ASIC2: variants seen among roughly 807,000 people sequenced by gnomAD.
The protein encoded by ASIC2 is acid sensing ion channel subunit 2.
Under a neutral mutation model 57.3 loss-of-function variants are expected in ASIC2, and 25 were observed. The ratio of observed to expected loss-of-function variants is 0.44; its 90% CI spans 0.32 to 0.61. The LOEUF is 0.61. ASIC2 is among the 20% of genes least tolerant of loss of function. The pLI is 0.06. For synonymous variants in ASIC2, 319 were observed against 307.5 expected (o/e 1.04, Z -0.39); for missense variants, 641 against 738.1 (o/e 0.87, Z 1.52).
intron 1 of ASIC2, among the ~76,000 whole-genome samples, chr17:34,102,238 T>C (rs1910891686): frequency 6.6e-6 from 1 of 151,866 alleles, no homozygotes; most frequent in Admixed American, 6.6e-5. Context: ...GCTGAGGCAC[T>C]AGAATCGCCT....
chr17:33,023,715 G>A (rs1339818634), intron 6 of ASIC2, 146 bp downstream of exon 6: 3 of 1,087,314 alleles, frequency 2.8e-6, no homozygotes, highest in Admixed American at 4.7e-5. Flanking sequence ...TGAACATGGA[G>A]CGCAGAGCGT....
At chr17:33,605,332 T>C (rs764762473) in intron 1 of ASIC2, among the ~76,000 whole-genome samples, 6 of 152,238 alleles carry the variant, frequency 3.9e-5, no homozygotes, top group African/African-American at 7.2e-5. Flanking sequence ...GTAGCTCCTG[T>C]GCAGGGTCTG....
intron 1 of ASIC2, among the ~76,000 whole-genome samples, chr17:33,777,554 G>A (rs538152125): frequency 3.3e-5 from 5 of 152,042 alleles, no homozygotes; most frequent in African/African-American, 1.2e-4. Context: ...CAACTGGGCT[G>A]CAGACTGAGC....
At chr17:34,045,106 C>T (rs1185205767) in intron 1 of ASIC2, among the ~76,000 whole-genome samples, 6 of 152,116 alleles carry the variant, frequency 3.9e-5, no homozygotes, top group Non-Finnish European at 8.8e-5. Context: ...ACCATCTACC[C>T]TTTCCTTCCA....
chr17:33,288,759 C>CACACAG (rs1491564666), intron 1 of ASIC2, among the ~76,000 whole-genome samples: 1 of 145,418 alleles, frequency 6.9e-6, no homozygotes, highest in Non-Finnish European at 1.5e-5. Context: ...CACACACACA[C>CACACAG]AACTAATATG....
chr17:33,800,991 T>C (rs903869611), intron 1 of ASIC2, among the ~76,000 whole-genome samples: 2 of 152,172 alleles, frequency 1.3e-5, no homozygotes, highest in Non-Finnish European at 2.9e-5. Context: ...TTCTGTCAAC[T>C]TCATGCACAG....
intron 2 of ASIC2, among the ~76,000 whole-genome samples, chr17:33,096,828 G>A (rs2141973006): frequency 1.3e-5 from 2 of 152,328 alleles, no homozygotes; most frequent in South Asian, 4.1e-4. Context: ...GTTCCAGGTG[G>A]AGGGAACAGC....
chr17:34,098,571 C>A lies in ASIC2; in HGVS notation c.555+57407G>T, dbSNP rs549393883. The stretch of plus-strand genomic sequence containing the variant: ...CTCACAGGCTGGTGATGCTTTTTCC[C>A]AGAAAAATCCCCTAACAAAATGTCA... On this transcript the variant is annotated intron_variant, in intron 1 of 9. Coordinates refer to the ASIC2 transcript ENST00000359872. 3.3e-5 allele frequency among the ~76,000 whole-genome samples: 5 copies of A among 152,222 alleles called. No homozygotes were observed. In the South Asian group the frequency reaches 1.0e-3, roughly 32 times the overall value.
intron 1 of ASIC2, among the ~76,000 whole-genome samples, chr17:33,214,451 G>A (rs1907399079): frequency 6.6e-6 from 1 of 152,210 alleles, no homozygotes; most frequent in African/African-American, 2.4e-5. Context: ...CATTGTGTAT[G>A]TGTGGATGAG....
At chr17:33,295,493 C>G (rs867929457), upstream of ASIC2, among the ~76,000 whole-genome samples, 31 of 152,296 alleles carry the variant, frequency 2.0e-4, no homozygotes, top group South Asian at 1.9e-3. Context: ...GCATTGCCTC[C>G]TAGGTCAAGG....
chr17:33,779,438 T>C (rs1911382460), intron 1 of ASIC2, among the ~76,000 whole-genome samples: 1 of 152,204 alleles, frequency 6.6e-6, no homozygotes, highest in African/African-American at 2.4e-5. Flanking sequence ...AGTTATTCTG[T>C]AAGAAGCTTT....
intron 1 of ASIC2, among the ~76,000 whole-genome samples, chr17:33,576,616 A>C (rs1916630941): frequency 6.6e-6 from 1 of 152,224 alleles, no homozygotes; most frequent in African/African-American, 2.4e-5. Flanking sequence ...TGATACCAGT[A>C]CCTACCTCAC....
intron 1 of ASIC2, among the ~76,000 whole-genome samples, chr17:33,396,065 A>AT (rs1170182028): frequency 6.6e-6 from 1 of 152,210 alleles, no homozygotes; most frequent in East Asian, 1.9e-4. Flanking sequence ...AGAATATCAG[A>AT]TTTTCCCTAC....
intron 1 of ASIC2, among the ~76,000 whole-genome samples, chr17:33,659,795 C>T (rs2142043739): frequency 6.6e-6 from 1 of 151,960 alleles, no homozygotes; most frequent in African/African-American, 2.4e-5. Flanking sequence ...TGGCGTGAAC[C>T]CAGGAGGCGA....
At chr17:33,206,214 A>T (rs569150871) in intron 1 of ASIC2, among the ~76,000 whole-genome samples, 3 of 152,268 alleles carry the variant, frequency 2.0e-5, no homozygotes, top group Non-Finnish European at 4.4e-5. Flanking sequence ...GCTTGGTATC[A>T]TATTGCCTCA....
intron 1 of ASIC2, among the ~76,000 whole-genome samples, chr17:34,063,997 T>A (rs1909069276): frequency 6.6e-6 from 1 of 152,072 alleles, no homozygotes; most frequent in African/African-American, 2.4e-5. Flanking sequence ...AATACCACCA[T>A]CATTCTTCAC....
chr17:33,610,763 G>T (rs144168832), intron 1 of ASIC2, among the ~76,000 whole-genome samples: 12 of 152,034 alleles, frequency 7.9e-5, no homozygotes, highest in Non-Finnish European at 1.8e-4. Flanking sequence ...CAGGCGTGGT[G>T]GTACACCTGT....
chr17:33,908,201 T>C (rs1393887392), intron 1 of ASIC2, among the ~76,000 whole-genome samples: 1 of 152,204 alleles, frequency 6.6e-6, no homozygotes, highest in Non-Finnish European at 1.5e-5. Flanking sequence ...TCACGTTGAG[T>C]GGGCAGTAGG....
At chr17:33,508,705 T>C (rs1597756855) in intron 1 of ASIC2, among the ~76,000 whole-genome samples, 1 of 152,046 alleles carries the variant, frequency 6.6e-6, no homozygotes, top group African/African-American at 2.4e-5. Flanking sequence ...ATTTACTAGG[T>C]TTGCTCAAGC....
Sources: allele counts gnomAD v4.1 joint callset (sites outside exome capture counted in the v4.1 genomes callset), GRCh38; gene constraint gnomAD v4.1.1; transcripts MANE v1.5; gene names NCBI Gene and HGNC (gene_info 2026-07-23, HGNC 2026-07-21).